Variants in SLC25A21 observed in about 807,000 individuals in gnomAD.
SLC25A21 encodes solute carrier family 25 member 21, also known as mitochondrial 2-oxodicarboxylate carrier.
In SLC25A21, 47 loss-of-function variants were observed where a neutral mutation model predicts 43.8. The ratio of observed to expected loss-of-function variants is 1.07; its 90% CI spans 0.85 to 1.37. The LOEUF is 1.37. Ranked by LOEUF, SLC25A21 falls within the 40% of genes most tolerant of loss-of-function variation. The probability of loss-of-function intolerance (pLI) is 0.00; values close to 1 mark genes in which losing one functional copy is unlikely to be tolerated. For synonymous variants in SLC25A21, 131 were observed against 121.3 expected (o/e 1.08, Z -0.52); for missense variants, 352 against 350.2 (o/e 1.00, Z -0.04).
At chr14:37,145,249 C>T (rs1352522174) in intron 1 of SLC25A21, among the ~76,000 whole-genome samples, 1 of 151,672 alleles carries the variant, frequency 6.6e-6, no homozygotes, top group African/African-American at 2.4e-5. Context: ...AGAATACTAC[C>T]TCCTTCTCTT....
At chr14:36,772,771 T>A (rs1321640430) in intron 3 of SLC25A21, among the ~76,000 whole-genome samples, 1 of 152,158 alleles carries the variant, frequency 6.6e-6, no homozygotes, top group Admixed American at 6.5e-5. Context: ...ATACCAAGGC[T>A]CCCCTGCATA....
At chr14:36,985,755 G>C (rs892111006) in intron 1 of SLC25A21, among the ~76,000 whole-genome samples, 4 of 152,072 alleles carry the variant, frequency 2.6e-5, no homozygotes, top group African/African-American at 9.7e-5. Context: ...ACATTTAAAA[G>C]TCAGCATTCT....
chr14:36,731,127 C>T (rs1030398545), intron 4 of SLC25A21, among the ~76,000 whole-genome samples: 2 of 152,080 alleles, frequency 1.3e-5, no homozygotes, highest in Admixed American at 6.6e-5. Flanking sequence ...CGCCCGCTAC[C>T]ACGCCCGGCT....
intron 1 of SLC25A21, among the ~76,000 whole-genome samples, chr14:36,950,527 C>T (rs1227480153): frequency 1.3e-5 from 2 of 152,122 alleles, no homozygotes; most frequent in Non-Finnish European, 2.9e-5. Flanking sequence ...GCACCTTGAT[C>T]CTGGATTTTT....
At chr14:37,097,144 A>T (rs1484206244) in intron 1 of SLC25A21, 1 of 151,284 alleles carries the variant, frequency 6.6e-6, no homozygotes, top group Non-Finnish European at 1.5e-5. Context: ...TCTGTTGCCC[A>T]GGCTGGAGCG....
chr14:36,728,851 A>T (rs1437087529), intron 5 of SLC25A21, among the ~76,000 whole-genome samples: 1 of 152,228 alleles, frequency 6.6e-6, no homozygotes, highest in Non-Finnish European at 1.5e-5. Flanking sequence ...TTGCTCTCTC[A>T]GGGGCTCTTG....
At chr14:36,883,193 C>G (rs1890796111) in intron 1 of SLC25A21, among the ~76,000 whole-genome samples, 1 of 152,146 alleles carries the variant, frequency 6.6e-6, no homozygotes, top group Admixed American at 6.6e-5. Context: ...GTAACCCCAG[C>G]TTCATTACTC....
chr14:36,888,778 AC>A (rs1306218883), intron 1 of SLC25A21, among the ~76,000 whole-genome samples: 1 of 152,216 alleles, frequency 6.6e-6, no homozygotes, highest in East Asian at 1.9e-4. Flanking sequence ...TTTGTAGGTC[AC>A]AGGTAGCCAG....
chr14:36,679,475 T>A lies in SLC25A21; in HGVS notation c.*1183A>T, dbSNP rs754332497. On this transcript the variant is annotated 3_prime_UTR_variant, in exon 10 of 10. Transcript: ENST00000331299. Reference sequence around the variant, plus strand: ...GTGTCATATGGACTTTCAGTTATTCTTGTTGACTTTACTGAATCAGCATCA... The same window carrying A: ...GTGTCATATGGACTTTCAGTTATTCATGTTGACTTTACTGAATCAGCATCA... The A allele has an allele frequency of 3.8e-5, 37 of 985,314 alleles. No individual in the cohort carries two copies. The highest frequency in any genetic ancestry group is 4.2e-5 in the Non-Finnish European group (35 of 829,916). The allele number at this position is 985,314 out of a possible 1,614,324, so 61.0% of individuals were successfully genotyped here. A position where few individuals can be genotyped will look rare whatever the true frequency, so the allele number is the denominator to read the frequency against.
chr14:36,684,227 A>G (rs1355159095), intron 8 of SLC25A21, among the ~76,000 whole-genome samples: 1 of 152,226 alleles, frequency 6.6e-6, no homozygotes, highest in Non-Finnish European at 1.5e-5. Context: ...CAGTCTTTAC[A>G]TTAGGAAATA....
intron 1 of SLC25A21, among the ~76,000 whole-genome samples, chr14:36,994,597 G>A (rs1039418973): frequency 6.6e-6 from 1 of 152,160 alleles, no homozygotes; most frequent in Non-Finnish European, 1.5e-5. Flanking sequence ...ACCATAGGCA[G>A]AGTGGGAGCC....
intron 1 of SLC25A21, chr14:36,952,279 A>G (rs1892832112): frequency 6.5e-6 from 1 of 153,970 alleles, no homozygotes; most frequent in South Asian, 2.0e-4. Flanking sequence ...TAGAATAAAT[A>G]AATGATTGTC....
intron 1 of SLC25A21, among the ~76,000 whole-genome samples, chr14:37,065,777 AT>A (rs1161103537): frequency 1.7e-4 from 26 of 152,380 alleles, no homozygotes; most frequent in African/African-American, 6.0e-4. Context: ...TGGTAAAACA[AT>A]TATGCATACT....
At chr14:36,991,558 T>C (rs1960263984) in intron 1 of SLC25A21, among the ~76,000 whole-genome samples, 1 of 152,196 alleles carries the variant, frequency 6.6e-6, no homozygotes, top group African/African-American at 2.4e-5. Flanking sequence ...ATTAAGGCCT[T>C]AAAGCATTCA....
chr14:36,859,958 G>A (rs1890020869), intron 2 of SLC25A21, among the ~76,000 whole-genome samples: 1 of 152,034 alleles, frequency 6.6e-6, no homozygotes, highest in South Asian at 2.1e-4. Context: ...CCTACTTTGT[G>A]TTCAACACTC....
At chr14:37,084,334 C>A (rs1962443665) in intron 1 of SLC25A21, among the ~76,000 whole-genome samples, 1 of 152,300 alleles carries the variant, frequency 6.6e-6, no homozygotes, top group Non-Finnish European at 1.5e-5. Flanking sequence ...ATATACTCCT[C>A]CTTAATGGTA....
At chr14:36,966,532 A>T (rs1308771379) in intron 1 of SLC25A21, among the ~76,000 whole-genome samples, 1 of 152,178 alleles carries the variant, frequency 6.6e-6, no homozygotes, top group Non-Finnish European at 1.5e-5. Context: ...TCACGATCTT[A>T]TCATTTCCCA....
intron 1 of SLC25A21, among the ~76,000 whole-genome samples, chr14:37,029,574 A>C (rs942624006): frequency 6.6e-6 from 1 of 152,104 alleles, no homozygotes; most frequent in Non-Finnish European, 1.5e-5. Context: ...TAGTGTTAGC[A>C]CAGTACTTAC....
intron 1 of SLC25A21, among the ~76,000 whole-genome samples, chr14:37,056,350 C>A (rs1377866196): frequency 6.6e-6 from 1 of 151,870 alleles, no homozygotes; most frequent in Non-Finnish European, 1.5e-5. Context: ...ATTAGCCAGG[C>A]GAGGTGGCGG....
Sources: allele counts gnomAD v4.1 joint callset (sites outside exome capture counted in the v4.1 genomes callset), GRCh38; gene constraint gnomAD v4.1.1; transcripts MANE v1.5; gene names NCBI Gene and HGNC (gene_info 2026-07-23, HGNC 2026-07-21).